NBPF11: variants seen among roughly 807,000 people sequenced by gnomAD.
NBPF11 encodes NBPF member 11, also known as NBPF family member NBPF11.
In NBPF11, 72 loss-of-function variants were observed where a neutral mutation model predicts 93.9. The ratio of observed to expected loss-of-function variants is 0.77; its 90% CI spans 0.63 to 0.93. NBPF11 has a LOEUF of 0.93. NBPF11 is among the 40% of genes least tolerant of loss of function. The pLI is 0.00. For synonymous variants in NBPF11, 224 were observed against 304.9 expected (o/e 0.73, Z 2.76); for missense variants, 705 against 802.2 (o/e 0.88, Z 1.46).
chr1:148,145,016 ATTGCTTGAGCCAGGAGGT>A (rs1278144929), intron 1 of NBPF11, among the ~76,000 whole-genome samples: 1 of 148,144 alleles, frequency 6.8e-6, no homozygotes, highest in African/African-American at 2.5e-5. Context: ...AGGCAGGAGG[ATTGCTTGAGCCAGGAGGT>A]GGAGGTGGCA....
chr1:148,138,552 T>A (rs1671708187), intron 2 of NBPF11, among the ~76,000 whole-genome samples: 1 of 151,716 alleles, frequency 6.6e-6, no homozygotes, highest in Admixed American at 6.6e-5. Context: ...TAGGGAGTGG[T>A]GATGACTCTT....
In NBPF11 at chr1:148,111,610, C is replaced by G. The variant is rs1400603192; in HGVS notation, c.1638-1069G>C. On this transcript the variant is annotated intron_variant, in intron 15 of 23. Coordinates refer to ENST00000682118, the MANE Select transcript of NBPF11 (RefSeq NM_001385469.3). ...GCACGAAAACTACGTGATGCATGCA[C>G]AAGCTTCAGTAGCCAATTCGATCAA... Among the ~76,000 whole-genome samples, 2 of 151,132 alleles carry G rather than the reference C, an allele frequency of 1.3e-5. 1 individual carries two copies. Among genetic ancestry groups the G allele is most frequent in the African/African-American group, 4.9e-5 (2 of 40,734 alleles).
intron 8 of NBPF11, 140 bp downstream of exon 8, chr1:148,122,589 G>A (rs1484104328): frequency 1.6e-6 from 2 of 1,280,442 alleles, no homozygotes; most frequent in Non-Finnish European, 2.3e-6. Context: ...CGCACCCTGT[G>A]TCTAAGCTGG....
chr1:148,134,379 G>A lies in NBPF11; in HGVS notation c.-36+1293C>T, dbSNP rs1420722131. On this transcript the variant is annotated intron_variant, in intron 4 of 23. Coordinates refer to ENST00000682118, the MANE Select transcript of NBPF11 (RefSeq NM_001385469.3). ...CTTCCTCTCACTTCCAGGCTCCATC[G>A]GGTGCCCACATTGCTAAACCTAACT... 2.1e-4 allele frequency among the ~76,000 whole-genome samples: 31 copies of A among 150,054 alleles called. 1 individual carries two copies. The highest frequency in any genetic ancestry group is 1.7e-3 in the Admixed American group (26 of 15,068).
At chr1:148,108,765 A>T in intron 17 of NBPF11, 111 bp from the exon 18 acceptor site, 2 of 748,392 alleles carry the variant, frequency 2.7e-6, no homozygotes, top group Admixed American at 2.0e-5. Flanking sequence ...AAAAGGACAG[A>T]TCCATTAATG....
intron 1 of NBPF11, chr1:148,146,546 C>T (rs1405331397): frequency 3.7e-6 from 6 of 1,604,200 alleles, no homozygotes; most frequent in Non-Finnish European, 4.2e-6. Flanking sequence ...GCCGGGGCCG[C>T]CCCCTTGGGG....
chr1:148,136,407 T>C lies in NBPF11; in HGVS notation c.-177-594A>G, dbSNP rs1217276134. ...AATATCTATCAATACAAGAATGTGATACATTCATTCCATGGAATGGCTAAA... is the reference window on the plus strand; with the variant it reads ...AATATCTATCAATACAAGAATGTGACACATTCATTCCATGGAATGGCTAAA... On this transcript the variant is annotated intron_variant, in intron 3 of 23. Coordinates refer to ENST00000682118, the MANE Select transcript of NBPF11 (RefSeq NM_001385469.3). Among the ~76,000 whole-genome samples the C allele has an allele frequency of 3.7e-3, 555 of 151,976 alleles. 6 individuals are homozygous for C. The highest frequency in any genetic ancestry group is 0.013 in the African/African-American group (528 of 41,256).
At chr1:148,147,672 C>A (rs1673405478) in intron 1 of NBPF11, among the ~76,000 whole-genome samples, 1 of 152,002 alleles carries the variant, frequency 6.6e-6, no homozygotes. Flanking sequence ...TCTGAGAAGT[C>A]AGAGGCCCTA....
At position 148,152,111 on chromosome 1, in the gene NBPF11, C is replaced by G. The variant is rs1426008800; in HGVS notation, c.-910G>C. 1 of 152,154 alleles carries G rather than the reference C, an allele frequency of 6.6e-6. No individual in the cohort carries two copies. The highest frequency in any genetic ancestry group is 1.5e-5 in the Non-Finnish European group (1 of 68,102). 9.4% of individuals were successfully genotyped at this position (152,154 alleles called of 1,614,324 possible). On this transcript the variant is annotated 5_prime_UTR_variant, in exon 1 of 24. Transcript: ENST00000682118. ...AGAAAAGGAGTAATGGAGGACAGAGCGCAGCGGGGACGGGAAAATCCCTCT... is the reference window on the plus strand; with the variant it reads ...AGAAAAGGAGTAATGGAGGACAGAGGGCAGCGGGGACGGGAAAATCCCTCT...
intron 4 of NBPF11, among the ~76,000 whole-genome samples, chr1:148,135,444 T>A (rs1298016585): frequency 7.3e-5 from 11 of 151,474 alleles, no homozygotes; most frequent in Non-Finnish European, 1.6e-4. Flanking sequence ...AATAAAACCT[T>A]AAGATGCATT....
Position 148,117,701 on chromosome 1 carries a change from A to C in NBPF11, c.1177T>G (p.Ser393Ala). ...AGGGCCTGGAGATGCTCATTCAATG[A>C]GCGGGAGGCATCTCTCCCTTCCCGT... The part of the protein sequence containing the change: ...KLREGRDASR[S>A]LNEHLQALLT... Residue 393 changes from serine (S) to alanine (A), a missense_variant, in exon 12 of 24, where the codon TCA (serine) becomes GCA (alanine). Physicochemically the swap from Ser to Ala is moderately conservative, Grantham distance 99 (BLOSUM62 1). Around this residue, in one of 12 missense-constraint regions of NBPF11, gnomAD observed 5 missense variants for 45.7 expected, o/e 0.11. Coordinates refer to ENST00000682118, the MANE Select transcript of NBPF11 (RefSeq NM_001385469.3). 1.7e-6 allele frequency: 1 copy of C among 581,718 alleles called. No individual in the cohort carries two copies. Among genetic ancestry groups the C allele is most frequent in the Non-Finnish European group, 3.0e-6 (1 of 331,128 alleles). 36.0% of individuals were successfully genotyped at this position (581,718 alleles called of 1,614,324 possible).
chr1:148,103,482 C>T lies in NBPF11; in HGVS notation c.*414G>A, dbSNP rs1248588051. The T allele has an allele frequency of 1.1e-5, 11 of 999,086 alleles. No individual in the cohort carries two copies. The highest frequency in any genetic ancestry group is 1.6e-5 in the Non-Finnish European group (11 of 680,930). 61.9% of individuals were successfully genotyped at this position (999,086 alleles called of 1,614,324 possible). A position where few individuals can be genotyped will look rare whatever the true frequency, so the allele number is the denominator to read the frequency against. ...AGTTATGTGAACGTGTCACACCTAA[C>T]GTGGGTCCATTGTCTTCAGACTGAG... On this transcript the variant is annotated 3_prime_UTR_variant, in exon 24 of 24. Coordinates refer to ENST00000682118, the MANE Select transcript of NBPF11 (RefSeq NM_001385469.3).
intron 2 of NBPF11, 143 bp downstream of exon 2, chr1:148,143,272 A>G (rs2149297102): frequency 2.2e-6 from 1 of 445,026 alleles, no homozygotes; most frequent in East Asian, 1.1e-4. Context: ...CATTCATTTA[A>G]CATATATTTA....
At position 148,122,894 on chromosome 1, in the gene NBPF11, A is replaced by G. The variant is rs587762732; in HGVS notation, c.494-93T>C. 5.8e-4 allele frequency: 921 copies of G among 1,601,700 alleles called. 1 individual carries two copies. Among genetic ancestry groups the G allele is most frequent in the Non-Finnish European group, 7.4e-4 (870 of 1,171,536 alleles). ...TGCACAGAGACATGAATATCTATGTATGGTTCAGCATTGTACTGAAAACTC... is the reference window on the plus strand; with the variant it reads ...TGCACAGAGACATGAATATCTATGTGTGGTTCAGCATTGTACTGAAAACTC... On this transcript the variant is annotated intron_variant, in intron 7 of 23. Coordinates refer to ENST00000682118, the MANE Select transcript of NBPF11 (RefSeq NM_001385469.3).
intron 9 of NBPF11, 31 bp from the exon 10 acceptor site, chr1:148,120,741 G>T (rs1347932251): frequency 2.0e-4 from 287 of 1,418,958 alleles, no homozygotes; most frequent in Admixed American, 2.7e-4. Flanking sequence ...CATATGATGG[G>T]TTAAAAACTG....
intron 9 of NBPF11, 95 bp downstream of exon 9, chr1:148,121,960 A>G (rs1478623518): frequency 1.7e-5 from 16 of 946,444 alleles, no homozygotes; most frequent in Non-Finnish European, 2.1e-5. Context: ...GTTTCTGACT[A>G]AAACAATAAC....
intron 4 of NBPF11, among the ~76,000 whole-genome samples, chr1:148,128,085 T>G (rs1236319903): frequency 1.4e-5 from 2 of 145,782 alleles, no homozygotes; most frequent in Non-Finnish European, 3.0e-5. Context: ...ATATCCATTT[T>G]TCTGATGGGA....
In NBPF11 at chr1:148,122,782, A is replaced by G. The variant is rs1668173892; in HGVS notation, c.513T>C (p.Asp171=). The change falls in exon 8 of 24, where the codon GAT becomes GAC. Residue 171 remains aspartate, a synonymous_variant. Coordinates refer to ENST00000682118, the MANE Select transcript of NBPF11 (RefSeq NM_001385469.3). ...KLSPENDEDE[D]EDVQVEEDEK... ...CATCCTCCTCAACTTGAACATCTTC[A>G]TCCTCATCTTCGTCATTTTCTATAA... The G allele has an allele frequency of 9.9e-6, 16 of 1,610,044 alleles. No individual in the cohort carries two copies. Among genetic ancestry groups the G allele is most frequent in the Non-Finnish European group, 1.4e-5 (16 of 1,177,792 alleles).
chr1:148,106,431 C>G lies in NBPF11; in HGVS notation c.2252-199G>C, dbSNP rs1165380979. 5.8e-4 allele frequency among the ~76,000 whole-genome samples: 85 copies of G among 147,324 alleles called. 2 individuals carry two copies. The highest frequency in any genetic ancestry group is 3.5e-3 in the Middle Eastern group (1 of 288). ...TCTCAGAACCAAGGGTGAAATATCC[C>G]TATTCTGGTAGATCGTTATCCCAAA... On this transcript the variant is annotated intron_variant, in intron 20 of 23. Transcript: ENST00000682118.
Sources: gnomAD v4.1 joint callset for allele counts (sites outside exome capture counted in the v4.1 genomes callset) on GRCh38, gnomAD v4.1.1 for gene constraint, gnomAD v4.1.1 regional missense constraint, MANE v1.5 for transcripts, NCBI Gene and HGNC (gene_info 2026-07-23, HGNC 2026-07-21) for gene names.